The following AGO3 variants were observed in gnomAD, a reference collection of about 807,000 sequenced individuals.
AGO3 encodes the protein protein argonaute-3.
In AGO3, 16 loss-of-function variants were observed where a neutral mutation model predicts 105.5. That is an observed-to-expected ratio of 0.15 (90% confidence interval 0.10 to 0.23). The LOEUF is 0.23. Ranked by LOEUF, AGO3 falls within the 10% of genes least tolerant of loss-of-function variation. AGO3 has a pLI of 1.00. For synonymous variants in AGO3, 340 were observed against 367.3 expected, an observed-to-expected ratio of 0.93 and a Z score of 0.85; for missense variants, 534 against 1,088.0, an observed-to-expected ratio of 0.49 and a Z score of 7.16.
intron 17 of AGO3, among the ~76,000 whole-genome samples, chr1:36,052,188 A>AG (rs1197623204): frequency 1.3e-5 from 2 of 152,360 alleles, no homozygotes; most frequent in Admixed American, 1.3e-4. Context: ...AGATGAATGA[A>AG]GAAAATATGG....
At chr1:36,038,314 G>C (rs1642101801) in intron 14 of AGO3, among the ~76,000 whole-genome samples, 1 of 147,174 alleles carries the variant, frequency 6.8e-6, no homozygotes, top group African/African-American at 2.5e-5. Context: ...GAATGCAGTG[G>C]GCGCGATCTT....
chr1:36,005,938 C>T, intron 6 of AGO3: 2 of 965,420 alleles, frequency 2.1e-6, no homozygotes, highest in Non-Finnish European at 2.5e-6. Flanking sequence ...GGGGAGGGAC[C>T]TGGGCAGAGA....
Position 36,008,790 on chromosome 1 carries a change from T to C in AGO3, c.881+13T>C. 6.2e-7 allele frequency: 1 copy of C among 1,614,136 alleles called. No homozygotes were observed. The highest frequency in any genetic ancestry group is 8.5e-7 in the Non-Finnish European group (1 of 1,180,016). On this transcript the variant is annotated intron_variant, in intron 7 of 18. Transcript: ENST00000373191. This position sits in a 1 kb window ranked among gnomAD's most constrained non-coding sequence, Gnocchi z 5.1. ...CCAGTCATCAAACGTAAGAAAAGTTTGTCAGAGCAGCGATGGTGTGAGGCA... is the reference window on the plus strand; with the variant it reads ...CCAGTCATCAAACGTAAGAAAAGTTCGTCAGAGCAGCGATGGTGTGAGGCA...
At position 36,055,120 on chromosome 1, in the gene AGO3, C is replaced by A; in HGVS notation, c.2449C>A (p.His817Asn). The change falls in exon 18 of 19, where the codon CAT becomes AAT. Residue 817 changes from histidine to asparagine, a missense_variant. Transcript: ENST00000373191. The surrounding 1 kb of genome is among the most constrained non-coding windows in gnomAD (Gnocchi z 4.4). ...AHLVAFRARY[H>N]LVDKEHDSAE... Reference sequence around the variant, plus strand: ...CCTGGTAGCATTTAGAGCCAGATATCATCTTGTGGACAAAGAACATGACAG... The same window carrying A: ...CCTGGTAGCATTTAGAGCCAGATATAATCTTGTGGACAAAGAACATGACAG... The A allele has an allele frequency of 6.2e-7, 1 of 1,609,672 alleles. No individual in the cohort carries two copies. The highest frequency in any genetic ancestry group is 8.5e-7 in the Non-Finnish European group (1 of 1,177,614).
intron 5 of AGO3, among the ~76,000 whole-genome samples, chr1:35,979,431 TA>T (rs2148781833): frequency 6.6e-6 from 1 of 152,270 alleles, no homozygotes; most frequent in South Asian, 2.1e-4. Context: ...TAGCCCAATA[TA>T]CGGTCAATTT....
intron 5 of AGO3, among the ~76,000 whole-genome samples, chr1:35,991,448 A>G (rs1383416873): frequency 6.6e-6 from 1 of 151,694 alleles, no homozygotes; most frequent in African/African-American, 2.4e-5. Flanking sequence ...TGCCCTGGGA[A>G]TTCCTTTTGT....
intron 14 of AGO3, among the ~76,000 whole-genome samples, chr1:36,038,252 C>T (rs116658906): frequency 1.8e-4 from 20 of 112,582 alleles, no homozygotes; most frequent in East Asian, 9.9e-4. Flanking sequence ...TGGATTTATT[C>T]TTTTTTTTTT....
At position 36,008,810 on chromosome 1, in the gene AGO3, GA is replaced by G; in HGVS notation, c.881+34del. The G allele has an allele frequency of 6.2e-7, 1 of 1,613,956 alleles. No homozygotes were observed. Among genetic ancestry groups the G allele is most frequent in the Non-Finnish European group, 8.5e-7 (1 of 1,179,896 alleles). On this transcript the variant is annotated intron_variant, in intron 7 of 18. Transcript: ENST00000373191. This position sits in a 1 kb window ranked among gnomAD's most constrained non-coding sequence, Gnocchi z 5.1. ...AAGTTTGTCAGAGCAGCGATGGTGT[GA>G]GGCAGCTTGCTCTAGTTAGTGGGGT... is the stretch of plus-strand genomic sequence containing the variant.
At chr1:36,013,803 G>C in intron 10 of AGO3, 51 bp downstream of exon 10, 1 of 1,604,000 alleles carries the variant, frequency 6.2e-7, no homozygotes, top group Non-Finnish European at 8.5e-7. Flanking sequence ...CTGTAAGTAT[G>C]AAGAGAAAGG....
At chr1:36,006,621 T>G (rs1223507646) in intron 6 of AGO3, among the ~76,000 whole-genome samples, 2 of 152,178 alleles carry the variant, frequency 1.3e-5, no homozygotes, top group African/African-American at 4.8e-5. Context: ...TTATTAGTAT[T>G]TCCTTCTTTT....
intron 5 of AGO3, among the ~76,000 whole-genome samples, chr1:36,003,353 T>TA (rs1305852107): frequency 6.6e-6 from 1 of 152,030 alleles, no homozygotes; most frequent in African/African-American, 2.4e-5. Flanking sequence ...GGTTGACTGT[T>TA]AAAAAACCAC....
At chr1:36,023,748 T>G (rs1011920799) in intron 11 of AGO3, among the ~76,000 whole-genome samples, 3 of 152,218 alleles carry the variant, frequency 2.0e-5, no homozygotes, top group Non-Finnish European at 4.4e-5. Context: ...CAGCTTTAGG[T>G]GAAACTTAAT....
chr1:35,959,115 T>C (rs1646628991), intron 2 of AGO3, among the ~76,000 whole-genome samples: 1 of 152,196 alleles, frequency 6.6e-6, no homozygotes, highest in African/African-American at 2.4e-5. Flanking sequence ...TGCTCTCCTC[T>C]TTTTTACATT....
Position 35,978,293 on chromosome 1 carries a change from G to A in AGO3, c.658+4782G>A, listed in dbSNP as rs1038050440. Among the ~76,000 whole-genome samples, 131 of 152,148 alleles carry A rather than the reference G, an allele frequency of 8.6e-4. 1 individual carries two copies. Among genetic ancestry groups the A allele is most frequent in the African/African-American group, 3.1e-3 (128 of 41,534 alleles). On this transcript the variant is annotated intron_variant, in intron 5 of 18. Transcript: ENST00000373191. ...CAACCTCCGCCTCCCTGGTTCAAGC[G>A]ATTGTCCTGCCTCAGCCTCCCAAGT...
At chr1:36,052,023 T>C (rs533498479) in intron 17 of AGO3, among the ~76,000 whole-genome samples, 2 of 152,186 alleles carry the variant, frequency 1.3e-5, no homozygotes, top group South Asian at 2.1e-4. Context: ...CTCATAAAAC[T>C]GAAATTAAAA....
intron 12 of AGO3, among the ~76,000 whole-genome samples, chr1:36,031,918 T>C (rs1056664679): frequency 1.3e-5 from 2 of 151,854 alleles, no homozygotes; most frequent in Non-Finnish European, 2.9e-5. Context: ...GGGGTGTGTG[T>C]GTGTGTGTAT....
intron 16 of AGO3, among the ~76,000 whole-genome samples, chr1:36,042,637 G>T (rs1351492804): frequency 2.0e-5 from 3 of 152,152 alleles, no homozygotes; most frequent in Non-Finnish European, 4.4e-5. Context: ...TAGACTTACA[G>T]TTAATGATTT....
chr1:35,987,999 C>T (rs1164602512), intron 5 of AGO3, among the ~76,000 whole-genome samples: 2 of 151,716 alleles, frequency 1.3e-5, no homozygotes, highest in African/African-American at 4.8e-5. Flanking sequence ...ACCCGGGAGG[C>T]GGAGGTTGCA....
At chr1:35,998,574 A>G (rs2148803089) in intron 5 of AGO3, among the ~76,000 whole-genome samples, 1 of 152,114 alleles carries the variant, frequency 6.6e-6, no homozygotes, top group East Asian at 1.9e-4. Context: ...GTTACCCTTA[A>G]AGTTTTTTCT....
Sources: allele counts gnomAD v4.1 joint callset (sites outside exome capture counted in the v4.1 genomes callset), GRCh38; gene constraint gnomAD v4.1.1; non-coding constraint Gnocchi (gnomAD v3.1); transcripts MANE v1.5; gene names NCBI Gene and HGNC (gene_info 2026-07-23, HGNC 2026-07-21).